Variants in C1QTNF3 observed in about 807,000 individuals in gnomAD.
C1QTNF3 encodes complement C1q tumor necrosis factor-related protein 3.
In C1QTNF3, 26 loss-of-function variants were observed where a neutral mutation model predicts 32.6. The ratio of observed to expected loss-of-function variants is 0.80; its 90% CI spans 0.58 to 1.11. The LOEUF is 1.11. C1QTNF3 is among the 50% of genes least tolerant of loss of function. C1QTNF3 has a pLI of 0.00. For synonymous variants in C1QTNF3, 155 were observed against 146.0 expected, an observed-to-expected ratio of 1.06 and a Z score of -0.44; for missense variants, 362 against 398.2, an observed-to-expected ratio of 0.91 and a Z score of 0.77.
At chr5:34,123,507 A>G in the C1QTNF3 span, among the ~76,000 whole-genome samples, 2 of 152,180 alleles carry the variant, frequency 1.3e-5, no homozygotes, top group African/African-American at 4.8e-5. Context: ...TTTGTCTTCA[A>G]TATTTTATTC....
At chr5:34,091,901 T>C in the C1QTNF3 span, among the ~76,000 whole-genome samples, 2 of 150,814 alleles carry the variant, frequency 1.3e-5, no homozygotes, top group African/African-American at 4.8e-5. Flanking sequence ...TTAGTGACAA[T>C]TCATCTCTCA....
chr5:34,114,450 T>C, the C1QTNF3 span, among the ~76,000 whole-genome samples: 1 of 152,200 alleles, frequency 6.6e-6, no homozygotes, highest in African/African-American at 2.4e-5. Context: ...CATGAATATG[T>C]ACTTATATCA....
the C1QTNF3 span, among the ~76,000 whole-genome samples, chr5:34,188,611 T>C: frequency 0.081 from 12,285 of 151,360 alleles, 1,422 homozygotes; most frequent in African/African-American, 0.24. Flanking sequence ...CTCTTTCGCT[T>C]TGGCCAATTT....
the C1QTNF3 span, among the ~76,000 whole-genome samples, chr5:34,054,317 G>A: frequency 2.0e-5 from 3 of 152,192 alleles, no homozygotes; most frequent in Admixed American, 6.5e-5. Flanking sequence ...TAGGAGAGGC[G>A]TGAAAGATGA....
chr5:34,068,528 TAGAG>T, the C1QTNF3 span, among the ~76,000 whole-genome samples: 6 of 150,052 alleles, frequency 4.0e-5, no homozygotes, highest in East Asian at 3.9e-4. Context: ...TATACGTATA[TAGAG>T]AGAGAGAGAG....
chr5:34,159,722 T>C, the C1QTNF3 span, among the ~76,000 whole-genome samples: 1 of 151,932 alleles, frequency 6.6e-6, no homozygotes, highest in African/African-American at 2.4e-5. Flanking sequence ...CTGTGATAAG[T>C]AAGAATATTG....
chr5:34,032,051 T>G (rs1011667204), intron 3 of C1QTNF3, among the ~76,000 whole-genome samples: 4 of 152,270 alleles, frequency 2.6e-5, no homozygotes, highest in African/African-American at 4.8e-5. Flanking sequence ...TCTCTCATGT[T>G]GCAGTACTTT....
intron 1 of C1QTNF3, among the ~76,000 whole-genome samples, chr5:34,038,805 C>T (rs933788136): frequency 1.3e-5 from 2 of 152,094 alleles, no homozygotes; most frequent in Non-Finnish European, 1.5e-5. Flanking sequence ...CTTCTTGATA[C>T]TGTTACAGTA....
the C1QTNF3 span, chr5:34,219,809 T>C: frequency 6.6e-6 from 1 of 152,070 alleles, no homozygotes; most frequent in African/African-American, 2.4e-5. Flanking sequence ...AAAATAACAA[T>C]TCATTCAACA....
chr5:34,024,751 G>A (rs961580417), intron 4 of C1QTNF3, among the ~76,000 whole-genome samples: 7 of 152,144 alleles, frequency 4.6e-5, no homozygotes, highest in African/African-American at 1.7e-4. Context: ...CTAAATGCCA[G>A]CACACAAGAT....
the C1QTNF3 span, among the ~76,000 whole-genome samples, chr5:34,135,835 C>T: frequency 6.9e-6 from 1 of 144,896 alleles, no homozygotes; most frequent in Non-Finnish European, 1.5e-5. Flanking sequence ...TCATACTACA[C>T]ATCTACAACC....
At chr5:34,232,752 A>G in the C1QTNF3 span, among the ~76,000 whole-genome samples, 2,146 of 152,188 alleles carry the variant, frequency 0.014, 36 homozygotes, top group South Asian at 0.033. Context: ...TTTTCTTCAT[A>G]AATTACTCAG....
the C1QTNF3 span, among the ~76,000 whole-genome samples, chr5:34,142,292 C>T: frequency 6.6e-6 from 1 of 152,056 alleles, no homozygotes. Context: ...ATTAGCTGAG[C>T]ATAGTGGTGC....
chr5:34,100,942 T>C, the C1QTNF3 span, among the ~76,000 whole-genome samples: 8 of 152,162 alleles, frequency 5.3e-5, no homozygotes, highest in East Asian at 1.4e-3. Context: ...CTTTAAAAGA[T>C]ATAGGCTTAT....
chr5:34,113,217 C>T, the C1QTNF3 span, among the ~76,000 whole-genome samples: 2 of 147,016 alleles, frequency 1.4e-5, no homozygotes, highest in Non-Finnish European at 3.0e-5. Context: ...ATATAACCTG[C>T]AAGACCTATT....
the C1QTNF3 span, among the ~76,000 whole-genome samples, chr5:34,231,198 A>C: frequency 9.0e-4 from 137 of 152,306 alleles, no homozygotes; most frequent in Non-Finnish European, 1.4e-3. Context: ...TATTTCAGGG[A>C]GTTCCACTGG....
At chr5:34,158,987 CGTAT>C in the C1QTNF3 span, among the ~76,000 whole-genome samples, 19 of 151,948 alleles carry the variant, frequency 1.3e-4, no homozygotes, top group Non-Finnish European at 1.9e-4. Context: ...TATAAACATA[CGTAT>C]GTAACACATA....
the C1QTNF3 span, among the ~76,000 whole-genome samples, chr5:34,210,312 A>T: frequency 6.6e-6 from 1 of 152,056 alleles, no homozygotes; most frequent in Admixed American, 6.5e-5. Flanking sequence ...TATGGCACAT[A>T]CTACGTCATA....
the C1QTNF3 span, among the ~76,000 whole-genome samples, chr5:34,219,128 C>T: frequency 6.6e-6 from 1 of 152,118 alleles, no homozygotes; most frequent in Non-Finnish European, 1.5e-5. Context: ...TTCACTATAA[C>T]AGGAATTCTT....
Sources: gnomAD v4.1 joint callset for allele counts (sites outside exome capture counted in the v4.1 genomes callset) on GRCh38, gnomAD v4.1.1 for gene constraint, MANE v1.5 for transcripts, NCBI Gene and HGNC (gene_info 2026-07-23, HGNC 2026-07-21) for gene names.